Variants in LOC400499 observed in about 807,000 individuals in gnomAD.
chr16:11,509,891 T>A, the LOC400499 span, among the ~76,000 whole-genome samples: 2 of 146,230 alleles, frequency 1.4e-5, no homozygotes, highest in Admixed American at 1.3e-4. Context: ...TGCCTATGTA[T>A]CTGTAAGTAC....
the LOC400499 span, chr16:11,396,814 G>A: frequency 8.8e-6 from 6 of 679,034 alleles, no homozygotes; most frequent in South Asian, 2.4e-4. Flanking sequence ...TGACCTCTAA[G>A]AAACGCAAAT....
chr16:11,426,608 GA>G, the LOC400499 span, among the ~76,000 whole-genome samples: 481 of 144,414 alleles, frequency 3.3e-3, 1 homozygote, highest in African/African-American at 0.011. Context: ...ACTGCAATAA[GA>G]AAAAAAAAAA....
At chr16:11,431,112 C>A in the LOC400499 span, 3 of 399,048 alleles carry the variant, frequency 7.5e-6, no homozygotes, top group Non-Finnish European at 1.3e-5. Flanking sequence ...AGCCAGCCAC[C>A]GTGTGCCGGG....
At chr16:11,475,387 A>G in the LOC400499 span, among the ~76,000 whole-genome samples, 3 of 152,240 alleles carry the variant, frequency 2.0e-5, no homozygotes, top group Non-Finnish European at 4.4e-5. Context: ...ATCTCTGAAA[A>G]AAGGCATAGA....
the LOC400499 span, among the ~76,000 whole-genome samples, chr16:11,418,860 T>A: frequency 6.6e-6 from 1 of 152,158 alleles, no homozygotes; most frequent in African/African-American, 2.4e-5. Flanking sequence ...CACCCCACAA[T>A]TGTCTTAGTA....
At chr16:11,374,362 A>G in the LOC400499 span, among the ~76,000 whole-genome samples, 347 of 152,336 alleles carry the variant, frequency 2.3e-3, 1 homozygote, top group Non-Finnish European at 3.1e-3. Context: ...CACAAGTAAC[A>G]TTTACCATAA....
the LOC400499 span, among the ~76,000 whole-genome samples, chr16:11,482,003 T>C: frequency 1.3e-5 from 2 of 152,136 alleles, no homozygotes; most frequent in Non-Finnish European, 2.9e-5. Context: ...GAGTATGCGG[T>C]GAATGATTCC....
chr16:11,514,651 C>CA, the LOC400499 span: 5 of 398,222 alleles, frequency 1.3e-5, no homozygotes, highest in Non-Finnish European at 2.2e-5. Flanking sequence ...GTAGACCCCC[C>CA]ATTCCCCACT....
At chr16:11,514,896 G>C in the LOC400499 span, among the ~76,000 whole-genome samples, 1 of 152,162 alleles carries the variant, frequency 6.6e-6, no homozygotes, top group South Asian at 2.1e-4. Context: ...TGAGACTTTT[G>C]ATAGTAAGTG....
the LOC400499 span, among the ~76,000 whole-genome samples, chr16:11,492,159 C>T: frequency 6.6e-6 from 1 of 152,144 alleles, no homozygotes; most frequent in Non-Finnish European, 1.5e-5. Context: ...ACACAGGAGG[C>T]CTTTAAATGT....
the LOC400499 span, among the ~76,000 whole-genome samples, chr16:11,451,796 G>A: frequency 6.6e-6 from 1 of 152,182 alleles, no homozygotes; most frequent in South Asian, 2.1e-4. Flanking sequence ...GGAAACTGAG[G>A]CAGACAGGCT....
At chr16:11,395,119 G>A in the LOC400499 span, among the ~76,000 whole-genome samples, 31 of 152,310 alleles carry the variant, frequency 2.0e-4, no homozygotes, top group South Asian at 6.2e-4. Flanking sequence ...CAGACCACAC[G>A]GAGTTGGCCC....
At chr16:11,386,268 G>C in the LOC400499 span, among the ~76,000 whole-genome samples, 1 of 152,220 alleles carries the variant, frequency 6.6e-6, no homozygotes, top group African/African-American at 2.4e-5. Flanking sequence ...GGGTGCCCTT[G>C]CCCGTGGCCA....
the LOC400499 span, among the ~76,000 whole-genome samples, chr16:11,475,965 T>C: frequency 2.0e-5 from 3 of 151,518 alleles, no homozygotes; most frequent in Admixed American, 1.3e-4. Context: ...GTCTCGGGGA[T>C]AGAGCAGGGC....
chr16:11,391,827 C>A, the LOC400499 span: 1 of 1,232,294 alleles, frequency 8.1e-7, no homozygotes, highest in Non-Finnish European at 1.0e-6. Context: ...CAGAAGGAGG[C>A]CTGCCACGCC....
chr16:11,402,149 G>T, the LOC400499 span: 3 of 399,116 alleles, frequency 7.5e-6, 1 homozygote, highest in South Asian at 3.8e-4. Flanking sequence ...CAGCGGGTGG[G>T]TGAGCTCCAC....
chr16:11,523,780 T>C, the LOC400499 span, among the ~76,000 whole-genome samples: 1 of 151,924 alleles, frequency 6.6e-6, no homozygotes, highest in South Asian at 2.1e-4. Flanking sequence ...GTCAGCAAGC[T>C]CTGCCAATTC....
At chr16:11,385,413 T>C in the LOC400499 span, 6 of 1,232,138 alleles carry the variant, frequency 4.9e-6, no homozygotes, top group South Asian at 8.2e-5. Flanking sequence ...CACCAGGGCA[T>C]GGTCTGGGTA....
chr16:11,515,328 C>T, the LOC400499 span, among the ~76,000 whole-genome samples: 1 of 151,772 alleles, frequency 6.6e-6, no homozygotes, highest in African/African-American at 2.4e-5. Flanking sequence ...GTGCCTTGTG[C>T]CTGTAGTCCC....
Sources: gnomAD v4.1 joint callset for allele counts (sites outside exome capture counted in the v4.1 genomes callset) on GRCh38, gnomAD v4.1.1 for gene constraint, MANE v1.5 for transcripts.